Variants in DLG2 observed in about 807,000 individuals in gnomAD.
DLG2 encodes the protein disks large homolog 2.
A neutral mutation model predicts 132.5 loss-of-function variants in DLG2; 45 were observed. The observed-to-expected ratio is 0.34, with a 90% confidence interval of 0.27 to 0.44. The LOEUF (loss-of-function observed/expected upper bound fraction) is 0.44. DLG2 is among the 20% of genes least tolerant of loss of function. The probability of loss-of-function intolerance (pLI) is 1.00; values close to 1 mark genes in which losing one functional copy is unlikely to be tolerated. For synonymous variants in DLG2, 424 were observed against 419.6 expected, an observed-to-expected ratio of 1.01 and a Z score of -0.13; for missense variants, 1,045 against 1,196.9, an observed-to-expected ratio of 0.87 and a Z score of 1.87.
chr11:84,467,097 T>C (rs1394648825), intron 7 of DLG2, among the ~76,000 whole-genome samples: 1 of 151,348 alleles, frequency 6.6e-6, no homozygotes, highest in African/African-American at 2.4e-5. Context: ...GGTGTCTATT[T>C]ATCATTTTCT....
At chr11:84,227,237 T>G (rs1399001077) in intron 8 of DLG2, among the ~76,000 whole-genome samples, 1 of 151,620 alleles carries the variant, frequency 6.6e-6, no homozygotes, top group Non-Finnish European at 1.5e-5. Context: ...TTTTGACAGG[T>G]GAAATGAAAG....
chr11:84,990,911 A>G (rs1423915759), intron 6 of DLG2, among the ~76,000 whole-genome samples: 2 of 152,126 alleles, frequency 1.3e-5, no homozygotes. Context: ...TCACACAGAA[A>G]CCTGTATATG....
At chr11:84,513,038 CG>C (rs1170887265) in intron 7 of DLG2, among the ~76,000 whole-genome samples, 1 of 151,836 alleles carries the variant, frequency 6.6e-6, no homozygotes, top group African/African-American at 2.4e-5. Context: ...CTAACTCATG[CG>C]GGGCTTAAAA....
At chr11:85,527,325 T>C (rs564310193) in intron 3 of DLG2, among the ~76,000 whole-genome samples, 1 of 152,180 alleles carries the variant, frequency 6.6e-6, no homozygotes, top group Admixed American at 6.6e-5. Flanking sequence ...TAGGTCTTTG[T>C]CCTAATGCTC....
chr11:84,941,826 C>G (rs1303164015), intron 6 of DLG2, among the ~76,000 whole-genome samples: 1 of 151,616 alleles, frequency 6.6e-6, no homozygotes, highest in Admixed American at 6.6e-5. Context: ...GGTATCAATT[C>G]TTTTTCAAAT....
At chr11:84,418,455 T>A (rs1435132319) in intron 7 of DLG2, among the ~76,000 whole-genome samples, 3 of 152,208 alleles carry the variant, frequency 2.0e-5, no homozygotes, top group Non-Finnish European at 4.4e-5. Context: ...GGAGGTATCA[T>A]TATTTTTAGA....
intron 6 of DLG2, among the ~76,000 whole-genome samples, chr11:84,940,411 C>T (rs184313183): frequency 6.8e-4 from 104 of 152,306 alleles, no homozygotes; most frequent in African/African-American, 2.5e-3. Flanking sequence ...CCTAGGCCTC[C>T]CAAAGTGCTG....
At chr11:84,631,316 C>A (rs1040922335) in intron 6 of DLG2, among the ~76,000 whole-genome samples, 1 of 151,908 alleles carries the variant, frequency 6.6e-6, no homozygotes, top group African/African-American at 2.4e-5. Context: ...GAATGAATAA[C>A]TGAGAGAATG....
intron 18 of DLG2, among the ~76,000 whole-genome samples, chr11:83,762,364 C>A (rs1419901908): frequency 6.6e-6 from 1 of 152,176 alleles, no homozygotes; most frequent in African/African-American, 2.4e-5. Flanking sequence ...TGCAGGTGGA[C>A]CATTCTATTC....
chr11:84,042,448 A>G (rs1233116683), intron 11 of DLG2, among the ~76,000 whole-genome samples: 2 of 151,644 alleles, frequency 1.3e-5, no homozygotes, highest in Non-Finnish European at 2.9e-5. Context: ...TTCTTGCATA[A>G]AATTTTTGTT....
chr11:85,127,539 C>T (rs1319335619), intron 5 of DLG2, among the ~76,000 whole-genome samples: 1 of 152,132 alleles, frequency 6.6e-6, no homozygotes, highest in Non-Finnish European at 1.5e-5. Context: ...ACGAAAGGTT[C>T]CATGAGAACA....
At chr11:84,004,327 G>A (rs573316593) in intron 11 of DLG2, among the ~76,000 whole-genome samples, 5 of 152,070 alleles carry the variant, frequency 3.3e-5, no homozygotes, top group Admixed American at 3.3e-4. Context: ...ACAGAAGGAA[G>A]CACAAGAATC....
At chr11:83,782,903 T>C (rs913725288) in intron 18 of DLG2, among the ~76,000 whole-genome samples, 1 of 152,110 alleles carries the variant, frequency 6.6e-6, no homozygotes, top group African/African-American at 2.4e-5. Flanking sequence ...TGTAAGACAT[T>C]ATATTTCCTT....
Position 83,857,546 on chromosome 11 carries a change from C to G in DLG2, c.1565+16874G>C, listed in dbSNP as rs184841034. ...CCAAGACACATAATCATCAGAATCT[C>G]CAAGTTCAGATAATTTTTAGGGCAG... is the stretch of plus-strand genomic sequence containing the variant. On this transcript the variant is annotated intron_variant, in intron 16 of 27. Transcript: ENST00000376104. Among the ~76,000 whole-genome samples the G allele has an allele frequency of 4.9e-3, 752 of 152,228 alleles. 2 individuals carry two copies. The highest frequency in any genetic ancestry group is 0.01 in the Admixed American group (153 of 15,290).
intron 19 of DLG2, among the ~76,000 whole-genome samples, chr11:83,570,737 A>G (rs2096783005): frequency 6.6e-6 from 1 of 152,144 alleles, no homozygotes; most frequent in Non-Finnish European, 1.5e-5. Context: ...AAGATTCATA[A>G]TGTGATAATG....
intron 4 of DLG2, among the ~76,000 whole-genome samples, chr11:85,241,123 A>G (rs542909756): frequency 6.6e-6 from 1 of 151,670 alleles, no homozygotes; most frequent in East Asian, 1.9e-4. Context: ...GTTTTGGTAG[A>G]TTTATTACTA....
intron 21 of DLG2, among the ~76,000 whole-genome samples, chr11:83,505,384 T>C (rs923560543): frequency 6.6e-6 from 1 of 152,226 alleles, no homozygotes; most frequent in African/African-American, 2.4e-5. Context: ...CCTGCCACCA[T>C]GGCCACGTTG....
At chr11:85,501,544 A>G (rs1302685353) in intron 3 of DLG2, among the ~76,000 whole-genome samples, 2 of 152,246 alleles carry the variant, frequency 1.3e-5, no homozygotes, top group South Asian at 2.1e-4. Flanking sequence ...AATACCCAGA[A>G]TCTACAAAGA....
intron 10 of DLG2, among the ~76,000 whole-genome samples, chr11:84,096,323 A>C (rs891273065): frequency 1.3e-5 from 2 of 152,102 alleles, no homozygotes; most frequent in East Asian, 3.9e-4. Flanking sequence ...GCACATGATA[A>C]AATGTCAAGA....
Sources: gnomAD v4.1 joint callset for allele counts (sites outside exome capture counted in the v4.1 genomes callset) on GRCh38, gnomAD v4.1.1 for gene constraint, MANE v1.5 for transcripts, NCBI Gene and HGNC (gene_info 2026-07-23, HGNC 2026-07-21) for gene names.